LIN28B: variants seen among roughly 807,000 people sequenced by gnomAD.
LIN28B encodes the protein lin-28 RNA binding posttranscriptional regulator B, also known as protein lin-28 homolog B.
A neutral mutation model predicts 21.9 loss-of-function variants in LIN28B; 5 were observed. The observed-to-expected ratio is 0.23, with a 90% CI of 0.12 to 0.48. The LOEUF (loss-of-function observed/expected upper bound fraction) is 0.48. Among genes scored for constraint, LIN28B ranks in the 20% least tolerant of loss-of-function variants. The pLI is 0.98. For missense variants in LIN28B, 245 were observed against 310.5 expected (o/e 0.79, Z 1.58); for synonymous variants, 109 against 111.3 (o/e 0.98, Z 0.13).
At chr6:105,001,256 T>C (rs1770713655) in intron 2 of LIN28B, among the ~76,000 whole-genome samples, 1 of 152,230 alleles carries the variant, frequency 6.6e-6, no homozygotes, top group Admixed American at 6.5e-5. Context: ...GTATGAACAG[T>C]GTCTACATGC....
At chr6:105,010,621 G>A (rs1049853080) in intron 2 of LIN28B, among the ~76,000 whole-genome samples, 1 of 151,990 alleles carries the variant, frequency 6.6e-6, no homozygotes, top group Non-Finnish European at 1.5e-5. Context: ...GGATTCATCT[G>A]TTTATCTTTT....
chr6:104,962,100 C>T (rs560028933), intron 2 of LIN28B, among the ~76,000 whole-genome samples: 1 of 152,158 alleles, frequency 6.6e-6, no homozygotes, highest in African/African-American at 2.4e-5. Flanking sequence ...GTGTAGAATA[C>T]ATTCTCCTTA....
intron 1 of LIN28B, 34 bp downstream of exon 1, chr6:104,957,294 T>C: frequency 6.6e-7 from 1 of 1,511,998 alleles, no homozygotes; most frequent in South Asian, 1.1e-5. Context: ...TACTGTGAAT[T>C]TCTTTCTTCT....
chr6:105,018,503 A>G (rs1452382214), intron 2 of LIN28B, among the ~76,000 whole-genome samples: 1 of 152,030 alleles, frequency 6.6e-6, no homozygotes, highest in Non-Finnish European at 1.5e-5. Context: ...CTCTCCATGC[A>G]CTCAAAAATA....
Position 104,982,290 on chromosome 6 carries a change from G to A in LIN28B, c.198+24004G>A, listed in dbSNP as rs79147277. Among the ~76,000 whole-genome samples, 1,440 of 151,352 alleles carry A rather than the reference G, an allele frequency of 9.5e-3. 30 individuals are homozygous for A. The highest frequency in any genetic ancestry group is 0.034 in the African/African-American group (1,383 of 41,106). Reference sequence around the variant, plus strand: ...GATTGCGCCATTGCACTCCAGCTTGGGCGATACAGCAAGACTTCATCTCAA... The same window carrying A: ...GATTGCGCCATTGCACTCCAGCTTGAGCGATACAGCAAGACTTCATCTCAA... On this transcript the variant is annotated intron_variant, in intron 2 of 3. Coordinates refer to ENST00000345080, the MANE Select transcript of LIN28B (RefSeq NM_001004317.4).
chr6:104,952,794 G>A (rs1358108797), upstream of LIN28B, among the ~76,000 whole-genome samples: 1 of 152,042 alleles, frequency 6.6e-6, no homozygotes, highest in Non-Finnish European at 1.5e-5. Context: ...ATTATTCTGG[G>A]GAAAGTGTGT....
chr6:104,958,376 C>A (rs1263753956), intron 2 of LIN28B, 90 bp downstream of exon 2: 1 of 1,051,392 alleles, frequency 9.5e-7, no homozygotes. Flanking sequence ...GATAAGATGT[C>A]CTTCGGTATA....
intron 3 of LIN28B, among the ~76,000 whole-genome samples, chr6:105,072,620 C>T (rs1316630037): frequency 6.6e-6 from 1 of 152,042 alleles, no homozygotes; most frequent in Non-Finnish European, 1.5e-5. Context: ...CACCAACTAA[C>T]TATTTTTGAA....
chr6:105,050,897 CTG>C (rs1771888377), intron 3 of LIN28B, among the ~76,000 whole-genome samples: 3 of 151,082 alleles, frequency 2.0e-5, no homozygotes, highest in South Asian at 4.2e-4. Flanking sequence ...ATATGTAAGA[CTG>C]TGTTTTACAA....
intron 3 of LIN28B, among the ~76,000 whole-genome samples, chr6:105,031,782 G>A (rs760030830): frequency 1.6e-4 from 24 of 152,002 alleles, no homozygotes; most frequent in Non-Finnish European, 3.2e-4. Context: ...TGATCCGCCC[G>A]CCTTGGCCTC....
intron 2 of LIN28B, chr6:104,939,583 G>A (rs929985959): frequency 2.0e-5 from 3 of 152,236 alleles, no homozygotes; most frequent in Non-Finnish European, 4.4e-5. Context: ...AAATTGGAAG[G>A]GAGAAATGTA....
intron 3 of LIN28B, among the ~76,000 whole-genome samples, chr6:105,064,854 TA>T (rs1772191142): frequency 6.6e-6 from 1 of 152,186 alleles, no homozygotes; most frequent in African/African-American, 2.4e-5. Context: ...CAGCCAAATC[TA>T]GAGGGTGACC....
chr6:104,956,866 A>G (rs1421274739), upstream of LIN28B, among the ~76,000 whole-genome samples: 1 of 152,192 alleles, frequency 6.6e-6, no homozygotes, highest in Non-Finnish European at 1.5e-5. Context: ...GAAGCACGAA[A>G]TCAGCATTCT....
chr6:104,980,998 A>G (rs1770210706), intron 2 of LIN28B, among the ~76,000 whole-genome samples: 1 of 152,136 alleles, frequency 6.6e-6, no homozygotes, highest in South Asian at 2.1e-4. Flanking sequence ...GATAATGCCA[A>G]GCAGAACTAA....
chr6:104,962,105 T>G (rs1266506245), intron 2 of LIN28B, among the ~76,000 whole-genome samples: 1 of 152,182 alleles, frequency 6.6e-6, no homozygotes, highest in African/African-American at 2.4e-5. Flanking sequence ...GAATACATTC[T>G]CCTTATTACT....
intron 3 of LIN28B, among the ~76,000 whole-genome samples, chr6:105,044,456 A>G (rs1409926051): frequency 1.3e-5 from 2 of 152,204 alleles, no homozygotes; most frequent in Non-Finnish European, 1.5e-5. Flanking sequence ...TCCCATCATT[A>G]TCAACTCTCA....
intron 3 of LIN28B, among the ~76,000 whole-genome samples, chr6:105,029,880 CTG>C (rs1562098856): frequency 6.6e-6 from 1 of 152,194 alleles, no homozygotes; most frequent in East Asian, 1.9e-4. Flanking sequence ...AGAATATAAA[CTG>C]TATAAAGAGT....
intron 3 of LIN28B, among the ~76,000 whole-genome samples, chr6:105,069,088 C>T (rs1008517714): frequency 2.6e-5 from 4 of 151,984 alleles, no homozygotes; most frequent in Non-Finnish European, 4.4e-5. Flanking sequence ...TGTGGTGGTG[C>T]ACACCTATAA....
intron 3 of LIN28B, among the ~76,000 whole-genome samples, chr6:104,951,534 A>T (rs1778221150): frequency 6.6e-6 from 1 of 151,804 alleles, no homozygotes; most frequent in African/African-American, 2.4e-5. Context: ...TTAATTTTTT[A>T]TTTTTTTCCC....
Sources: gnomAD v4.1 joint callset for allele counts (sites outside exome capture counted in the v4.1 genomes callset) on GRCh38, gnomAD v4.1.1 for gene constraint, MANE v1.5 for transcripts, NCBI Gene and HGNC (gene_info 2026-07-23, HGNC 2026-07-21) for gene names.